ZMYM4: variants seen among roughly 807,000 people sequenced by gnomAD.
The protein encoded by ZMYM4 is zinc finger MYM-type protein 4.
In ZMYM4, 31 loss-of-function variants were observed where a neutral mutation model predicts 183.2. That is an observed-to-expected ratio of 0.17 (90% CI 0.13 to 0.23). The LOEUF (loss-of-function observed/expected upper bound fraction) is 0.23. Among genes scored for constraint, ZMYM4 ranks in the 10% least tolerant of loss-of-function variants. ZMYM4 has a pLI of 1.00. For missense variants in ZMYM4, 1,273 were observed against 1,840.3 expected (o/e 0.69, Z 5.64); for synonymous variants, 592 against 631.2 (o/e 0.94, Z 0.93).
intron 1 of ZMYM4, among the ~76,000 whole-genome samples, chr1:35,293,725 G>T (rs1640872295): frequency 6.6e-6 from 1 of 152,190 alleles, no homozygotes; most frequent in African/African-American, 2.4e-5. Flanking sequence ...CATATACTAG[G>T]TGGTAATTTC....
At chr1:35,298,001 C>A (rs76504539) in intron 1 of ZMYM4, among the ~76,000 whole-genome samples, 1,832 of 152,276 alleles carry the variant, frequency 0.012, 38 homozygotes, top group African/African-American at 0.042. Flanking sequence ...GCTAAAGATA[C>A]AGAATAACAG....
Position 35,317,450 on chromosome 1 carries a change from AATAG to A in ZMYM4, c.40-7893_40-7890del, listed in dbSNP as rs536392345. Among the ~76,000 whole-genome samples, 564 of 152,210 alleles carry A rather than the reference AATAG, an allele frequency of 3.7e-3. 2 individuals carry two copies. Among genetic ancestry groups the A allele is most frequent in the Non-Finnish European group, 5.0e-3 (341 of 68,002 alleles). ...CTCTGTCTCAAAAAATAAATAAATA[AATAG>A]ATAGATAGATAGATAGCTTTATCAC... On this transcript the variant is annotated intron_variant, in intron 1 of 29. Transcript: ENST00000314607.
At chr1:35,405,215 G>C (rs372420299) in intron 24 of ZMYM4, 21 bp downstream of exon 24, 59 of 1,610,204 alleles carry the variant, frequency 3.7e-5, no homozygotes, top group Non-Finnish European at 5.0e-5. Context: ...AGCATGAATT[G>C]TATCTTGATT....
intron 2 of ZMYM4, among the ~76,000 whole-genome samples, chr1:35,343,424 T>G (rs1452032806): frequency 6.6e-6 from 1 of 152,236 alleles, no homozygotes; most frequent in Non-Finnish European, 1.5e-5. Context: ...GAAGATTTTT[T>G]TTTTGGATTG....
chr1:35,292,826 G>A (rs1640827087), intron 1 of ZMYM4, among the ~76,000 whole-genome samples: 2 of 151,988 alleles, frequency 1.3e-5, no homozygotes, highest in South Asian at 4.2e-4. Context: ...TTAATAATGT[G>A]CTTCAGAACC....
At chr1:35,310,507 C>T (rs1207970717) in intron 1 of ZMYM4, 1 of 153,228 alleles carries the variant, frequency 6.5e-6, no homozygotes, top group Non-Finnish European at 1.5e-5. Flanking sequence ...TATTTATTTA[C>T]AATTATACAT....
intron 2 of ZMYM4, among the ~76,000 whole-genome samples, chr1:35,337,267 CA>C (rs1041416529): frequency 6.6e-6 from 1 of 152,094 alleles, no homozygotes; most frequent in Non-Finnish European, 1.5e-5. Context: ...GAAACTGAGG[CA>C]GGGGAATCGC....
At chr1:35,292,376 A>G (rs1463817237) in intron 1 of ZMYM4, 1 of 152,196 alleles carries the variant, frequency 6.6e-6, no homozygotes, top group Non-Finnish European at 1.5e-5. Flanking sequence ...GATGTCTACC[A>G]TTGTGCAGAT....
intron 1 of ZMYM4, among the ~76,000 whole-genome samples, chr1:35,290,601 T>A (rs1231937972): frequency 1.3e-5 from 2 of 151,728 alleles, no homozygotes; most frequent in East Asian, 3.9e-4. Context: ...GGCTCATTTT[T>A]CATTTTTTGT....
chr1:35,349,604 G>T (rs1643522595), intron 2 of ZMYM4, among the ~76,000 whole-genome samples: 1 of 151,876 alleles, frequency 6.6e-6, no homozygotes, highest in Admixed American at 6.6e-5. Context: ...GAGGCAGGTG[G>T]GTCACTTAAG....
At chr1:35,327,468 T>A (rs1462368297) in intron 2 of ZMYM4, among the ~76,000 whole-genome samples, 6 of 152,168 alleles carry the variant, frequency 3.9e-5, no homozygotes, top group East Asian at 1.9e-4. Flanking sequence ...TTAAAAAAAA[T>A]TTACTTCTAC....
At chr1:35,271,255 T>A (rs1487683115) in intron 1 of ZMYM4, among the ~76,000 whole-genome samples, 1 of 152,180 alleles carries the variant, frequency 6.6e-6, no homozygotes, top group Non-Finnish European at 1.5e-5. Context: ...AAAACATTGA[T>A]GTGTGTTGAC....
At chr1:35,331,054 A>G (rs1338060422) in intron 2 of ZMYM4, among the ~76,000 whole-genome samples, 3 of 152,220 alleles carry the variant, frequency 2.0e-5, no homozygotes, top group Non-Finnish European at 2.9e-5. Context: ...AAGAACTGAT[A>G]TAATTAAAAT....
At chr1:35,279,855 CA>C (rs1315541286) in intron 1 of ZMYM4, among the ~76,000 whole-genome samples, 1 of 152,158 alleles carries the variant, frequency 6.6e-6, no homozygotes, top group East Asian at 1.9e-4. Flanking sequence ...CATCCTTAAC[CA>C]AAATATTGAT....
At chr1:35,343,115 CATCT>C (rs1465727731) in intron 2 of ZMYM4, among the ~76,000 whole-genome samples, 2 of 152,182 alleles carry the variant, frequency 1.3e-5, no homozygotes, top group African/African-American at 4.8e-5. Flanking sequence ...TCCATCCATC[CATCT>C]ATGCATTCAT....
At chr1:35,368,061 G>GCCCCCCC (rs376935993) in intron 5 of ZMYM4, among the ~76,000 whole-genome samples, 87 of 98,280 alleles carry the variant, frequency 8.9e-4, no homozygotes, top group African/African-American at 2.1e-3. Flanking sequence ...CAAATCCAGC[G>GCCCCCCC]CCCCCCCCCC....
chr1:35,358,347 G>T (rs1643875300), intron 2 of ZMYM4, among the ~76,000 whole-genome samples: 1 of 152,122 alleles, frequency 6.6e-6, no homozygotes, highest in Non-Finnish European at 1.5e-5. Context: ...ATTTTTATGT[G>T]TAAGTATTAA....
chr1:35,325,481 A>G (rs1410945166), intron 2 of ZMYM4, 76 bp downstream of exon 2: 2 of 1,454,892 alleles, frequency 1.4e-6, no homozygotes, highest in African/African-American at 2.8e-5. Flanking sequence ...GTATTTAACT[A>G]TTACAGTGTT....
intron 7 of ZMYM4, among the ~76,000 whole-genome samples, chr1:35,377,556 CA>C (rs1408527816): frequency 2.6e-5 from 4 of 152,104 alleles, no homozygotes; most frequent in Non-Finnish European, 4.4e-5. Context: ...GCAATTATCT[CA>C]ATAAAGTGAG....
Sources: gnomAD v4.1 joint callset for allele counts (sites outside exome capture counted in the v4.1 genomes callset) on GRCh38, gnomAD v4.1.1 for gene constraint, MANE v1.5 for transcripts, NCBI Gene and HGNC (gene_info 2026-07-23, HGNC 2026-07-21) for gene names.